SPIDR: variants seen among roughly 807,000 people sequenced by gnomAD.
The protein encoded by SPIDR is DNA repair-scaffolding protein.
Under a neutral mutation model 104.6 loss-of-function variants are expected in SPIDR, and 93 were observed. The ratio of observed to expected loss-of-function variants is 0.89; its 90% CI spans 0.75 to 1.06. SPIDR has a LOEUF of 1.06. SPIDR is among the 50% of genes least tolerant of loss of function. The probability of loss-of-function intolerance (pLI) is 0.00; values close to 1 mark genes in which losing one functional copy is unlikely to be tolerated. For synonymous variants in SPIDR, 431 were observed against 416.9 expected (o/e 1.03, Z -0.41); for missense variants, 1,154 against 1,111.2 (o/e 1.04, Z -0.55).
chr8:47,460,814 T>G (rs1000777190), intron 8 of SPIDR, among the ~76,000 whole-genome samples: 2 of 152,212 alleles, frequency 1.3e-5, no homozygotes, highest in Admixed American at 6.5e-5. Flanking sequence ...TGTTTCAAGA[T>G]TTAGACCTCC....
chr8:47,553,538 G>A (rs1183973491), intron 8 of SPIDR, among the ~76,000 whole-genome samples: 1 of 152,142 alleles, frequency 6.6e-6, no homozygotes, highest in Non-Finnish European at 1.5e-5. Context: ...GATTGAATCA[G>A]CTTCTGAAGC....
chr8:47,391,330 G>A (rs1680578233), intron 5 of SPIDR, among the ~76,000 whole-genome samples: 1 of 151,842 alleles, frequency 6.6e-6, no homozygotes, highest in South Asian at 2.1e-4. Flanking sequence ...TTGAGCTCAG[G>A]AATTTGAGAC....
At chr8:47,716,877 T>C (rs974883384) in intron 16 of SPIDR, among the ~76,000 whole-genome samples, 3 of 152,028 alleles carry the variant, frequency 2.0e-5, no homozygotes, top group Non-Finnish European at 4.4e-5. Flanking sequence ...CCCAGTTGCT[T>C]GTGTATTGCT....
chr8:47,381,921 CCT>C (rs1399380249), intron 5 of SPIDR, among the ~76,000 whole-genome samples: 2 of 152,134 alleles, frequency 1.3e-5, no homozygotes, highest in Middle Eastern at 3.2e-3. Context: ...TACCATCCTC[CCT>C]TTGTTCTACC....
intron 8 of SPIDR, among the ~76,000 whole-genome samples, chr8:47,526,740 G>C (rs1026704166): frequency 1.3e-5 from 2 of 152,156 alleles, no homozygotes; most frequent in African/African-American, 4.8e-5. Context: ...CTGACTTCTG[G>C]TTTCTAGTCT....
chr8:47,703,908 C>A (rs923737834), intron 14 of SPIDR, among the ~76,000 whole-genome samples: 2 of 152,284 alleles, frequency 1.3e-5, no homozygotes, highest in South Asian at 2.1e-4. Flanking sequence ...CATCTACTGA[C>A]GGCCACCGAG....
chr8:47,519,485 A>T (rs2083689970), intron 8 of SPIDR, among the ~76,000 whole-genome samples: 2 of 152,194 alleles, frequency 1.3e-5, no homozygotes, highest in Admixed American at 1.3e-4. Context: ...GTTTTTTAAA[A>T]GATGGCTTTG....
intron 7 of SPIDR, among the ~76,000 whole-genome samples, chr8:47,424,109 G>A (rs1253627024): frequency 1.3e-5 from 2 of 152,082 alleles, no homozygotes; most frequent in Non-Finnish European, 2.9e-5. Context: ...ATTTACATTG[G>A]GCAGCCTAAC....
intron 10 of SPIDR, among the ~76,000 whole-genome samples, chr8:47,641,742 C>G (rs975254041): frequency 1.3e-5 from 2 of 152,142 alleles, no homozygotes; most frequent in Non-Finnish European, 2.9e-5. Flanking sequence ...GGAAACTTGG[C>G]CACTTACTGC....
At chr8:47,400,749 G>C (rs1281373279) in intron 6 of SPIDR, among the ~76,000 whole-genome samples, 7 of 149,954 alleles carry the variant, frequency 4.7e-5, no homozygotes, top group African/African-American at 1.2e-4. Flanking sequence ...AAAATTGTTA[G>C]ATATTTAAGT....
At chr8:47,456,831 A>G (rs1554710112) in intron 8 of SPIDR, among the ~76,000 whole-genome samples, 1 of 152,048 alleles carries the variant, frequency 6.6e-6, no homozygotes, top group African/African-American at 2.4e-5. Context: ...CTTAGCTCCC[A>G]CTTATGAGTG....
intron 5 of SPIDR, among the ~76,000 whole-genome samples, chr8:47,393,452 C>G (rs184054098): frequency 1.3e-5 from 2 of 152,228 alleles, no homozygotes; most frequent in Admixed American, 6.5e-5. Flanking sequence ...ACATTACCAT[C>G]TGAGGTTGTT....
At chr8:47,622,163 G>A (rs1026993364) in intron 10 of SPIDR, among the ~76,000 whole-genome samples, 12 of 152,152 alleles carry the variant, frequency 7.9e-5, no homozygotes, top group African/African-American at 2.4e-4. Context: ...CCCAGCAGAG[G>A]AATGGATGCA....
intron 8 of SPIDR, among the ~76,000 whole-genome samples, chr8:47,549,562 T>C (rs1311789328): frequency 6.6e-6 from 1 of 152,250 alleles, no homozygotes; most frequent in Non-Finnish European, 1.5e-5. Flanking sequence ...GCTGCATAAA[T>C]GTCTTCCCTT....
chr8:47,353,957 G>A (rs1489024721), intron 5 of SPIDR, among the ~76,000 whole-genome samples: 7 of 151,928 alleles, frequency 4.6e-5, no homozygotes, highest in African/African-American at 1.7e-4. Flanking sequence ...TTTTTTCAGG[G>A]TTATGGGGTT....
At chr8:47,296,690 G>C (rs2040899448) in intron 5 of SPIDR, among the ~76,000 whole-genome samples, 1 of 152,150 alleles carries the variant, frequency 6.6e-6, no homozygotes, top group African/African-American at 2.4e-5. Context: ...CAAGTACTGT[G>C]ATACCTCTAG....
intron 8 of SPIDR, among the ~76,000 whole-genome samples, chr8:47,455,796 G>A (rs2072849410): frequency 6.6e-6 from 1 of 152,024 alleles, no homozygotes; most frequent in Non-Finnish European, 1.5e-5. Context: ...GTTTAACACA[G>A]CAAAAACATA....
At chr8:47,376,138 T>C (rs1453879197) in intron 5 of SPIDR, among the ~76,000 whole-genome samples, 2 of 152,228 alleles carry the variant, frequency 1.3e-5, no homozygotes, top group African/African-American at 2.4e-5. Context: ...AAATTAAACC[T>C]TTTTGTTGTA....
intron 5 of SPIDR, among the ~76,000 whole-genome samples, chr8:47,352,707 G>A (rs1292445602): frequency 6.6e-6 from 1 of 152,100 alleles, no homozygotes; most frequent in Non-Finnish European, 1.5e-5. Context: ...GGCATTCTGG[G>A]AGACGCAAAA....
Sources: gnomAD v4.1 joint callset for allele counts (sites outside exome capture counted in the v4.1 genomes callset) on GRCh38, gnomAD v4.1.1 for gene constraint, MANE v1.5 for transcripts, NCBI Gene and HGNC (gene_info 2026-07-23, HGNC 2026-07-21) for gene names.